Variants in BAD observed in about 807,000 individuals in gnomAD.
BAD encodes the protein bcl2-associated agonist of cell death.
In BAD, 18 loss-of-function variants were observed where a neutral mutation model predicts 17.8. The observed-to-expected ratio is 1.01, with a 90% confidence interval of 0.70 to 1.50. The LOEUF (loss-of-function observed/expected upper bound fraction) is 1.50. BAD is among the 40% of genes most tolerant of loss of function. The pLI, the probability that BAD is intolerant of heterozygous loss-of-function variation, is 0.00. For missense variants in BAD, 294 were observed against 239.3 expected (o/e 1.23, Z -1.51); for synonymous variants, 112 against 91.5 (o/e 1.22, Z -1.28).
At chr11:64,281,539 C>T (rs1411829477) in intron 2 of BAD, among the ~76,000 whole-genome samples, 1 of 152,198 alleles carries the variant, frequency 6.6e-6, no homozygotes, top group Non-Finnish European at 1.5e-5. Context: ...CCTAAACCCC[C>T]TCCCCTAGGC....
At chr11:64,281,708 CT>C (rs2033485718) in intron 2 of BAD, among the ~76,000 whole-genome samples, 1 of 152,198 alleles carries the variant, frequency 6.6e-6, no homozygotes, top group Non-Finnish European at 1.5e-5. Context: ...CCCCCCGCCC[CT>C]GTGACTCCGG....
chr11:64,270,978 A>T (rs140629234), intron 3 of BAD, among the ~76,000 whole-genome samples: 33 of 5,474 alleles, frequency 6.0e-3, no homozygotes, highest in Non-Finnish European at 0.011. Context: ...GCCCTGTGAC[A>T]CACACACACA....
chr11:64,270,162 GC>G lies in BAD; in HGVS notation c.*46del. 3 of 1,613,790 alleles carry G rather than the reference GC, an allele frequency of 1.9e-6. No individual in the cohort carries two copies. Among genetic ancestry groups the G allele is most frequent in the Non-Finnish European group, 2.5e-6 (3 of 1,179,872 alleles). Reference sequence around the variant, plus strand: ...ACTTCCGCCCATATTCAAGATGGCTGCCCAGGGCAGTGGGAACGGGTGGAGT... The same window carrying G: ...ACTTCCGCCCATATTCAAGATGGCTGCCAGGGCAGTGGGAACGGGTGGAGT... On this transcript the variant is annotated 3_prime_UTR_variant, in exon 4 of 4. Coordinates refer to ENST00000309032, the MANE Select transcript of BAD (RefSeq NM_032989.3).
intron 2 of BAD, among the ~76,000 whole-genome samples, chr11:64,278,664 T>C (rs2033227185): frequency 6.6e-6 from 1 of 152,204 alleles, no homozygotes; most frequent in Admixed American, 6.5e-5. Flanking sequence ...GCCCAGGGGC[T>C]AGCACTGGGC....
chr11:64,270,508 GCC>G, intron 3 of BAD, 171 bp from the exon 4 acceptor site: 1 of 875,940 alleles, frequency 1.1e-6, no homozygotes. Context: ...GGACGCATGG[GCC>G]CCCAGGAATG....
intron 2 of BAD, among the ~76,000 whole-genome samples, chr11:64,273,209 C>G (rs2032770844): frequency 6.6e-6 from 1 of 152,062 alleles, no homozygotes; most frequent in Non-Finnish European, 1.5e-5. Context: ...TCCGTCTCTA[C>G]TAAAAATACA....
chr11:64,275,125 G>C (rs1208138354), intron 2 of BAD, among the ~76,000 whole-genome samples: 1 of 151,794 alleles, frequency 6.6e-6, no homozygotes, highest in African/African-American at 2.4e-5. Flanking sequence ...CTGCCCCCAG[G>C]TCAGGTGGGG....
chr11:64,278,498 C>G (rs974653159), intron 2 of BAD, among the ~76,000 whole-genome samples: 3 of 151,950 alleles, frequency 2.0e-5, no homozygotes, highest in Non-Finnish European at 4.4e-5. Flanking sequence ...AGCACTTTTC[C>G]TATATTAACT....
intron 2 of BAD, chr11:64,276,826 A>G (rs1159744334): frequency 2.9e-6 from 2 of 698,096 alleles, no homozygotes; most frequent in South Asian, 3.0e-5. Context: ...CCATCCGCCT[A>G]GAGCCTGGCC....
At chr11:64,276,950 G>C in intron 2 of BAD, 2 of 756,094 alleles carry the variant, frequency 2.6e-6, no homozygotes, top group Non-Finnish European at 4.9e-6. Flanking sequence ...GTCAGCGGCT[G>C]GGGCGGACAT....
intron 2 of BAD, among the ~76,000 whole-genome samples, chr11:64,277,318 G>A (rs1418417411): frequency 6.6e-6 from 1 of 152,196 alleles, no homozygotes; most frequent in Non-Finnish European, 1.5e-5. Flanking sequence ...GCACCTGTAG[G>A]CCTCAGCCTT....
chr11:64,276,286 G>A lies in BAD; in HGVS notation c.188-4483C>T, dbSNP rs1045148405. Reference sequence around the variant, plus strand: ...AATATACATATATTTATGTGTGTGTGTGTGTATATATTTGTGTGTGTGTGT... The same window carrying A: ...AATATACATATATTTATGTGTGTGTATGTGTATATATTTGTGTGTGTGTGT... On this transcript the variant is annotated intron_variant, in intron 2 of 3. Transcript: ENST00000309032. 2.6e-5 allele frequency: 3 copies of A among 113,816 alleles called. No homozygotes were observed. In the Admixed American group the frequency reaches 3.2e-4, roughly 12 times the overall value. The allele number at this position is 113,816 out of a possible 1,614,324, so 7.1% of individuals were successfully genotyped here. A position where few individuals can be genotyped will look rare whatever the true frequency, so the allele number is the denominator to read the frequency against.
chr11:64,278,488 A>C lies in BAD; in HGVS notation c.187+5694T>G, dbSNP rs1018756215. Among the ~76,000 whole-genome samples, 15 of 152,054 alleles carry C rather than the reference A, an allele frequency of 9.9e-5. No individual in the cohort carries two copies. In the East Asian group the frequency reaches 2.9e-3, roughly 29 times the overall value. ...TCCTCTGCGCCAGGCACTGTTTCCA[A>C]GCACTTTTCCTATATTAACTCATCA... is the stretch of plus-strand genomic sequence containing the variant. On this transcript the variant is annotated intron_variant, in intron 2 of 3. Transcript: ENST00000309032.
At chr11:64,278,439 T>C (rs538678079) in intron 2 of BAD, among the ~76,000 whole-genome samples, 2 of 151,032 alleles carry the variant, frequency 1.3e-5, no homozygotes, top group Non-Finnish European at 2.9e-5. Context: ...GTTCTAATAA[T>C]AAGAGCCGCA....
rs1356252288 is a variant in BAD, at chr11:64,278,323, A to T, written c.187+5859T>A. 4.0e-5 allele frequency among the ~76,000 whole-genome samples: 6 copies of T among 151,360 alleles called. 1 individual carries two copies. Among genetic ancestry groups the T allele is most frequent in the African/African-American group, 1.5e-4 (6 of 41,348 alleles). ...GGTTGCTGCGAGGCGAGATTGCACC[A>T]CTGCACTCCAGCCTGGGCGACAGAG... On this transcript the variant is annotated intron_variant, in intron 2 of 3. Transcript: ENST00000309032.
At position 64,270,001 on chromosome 11, in the gene BAD, C is replaced by T. The variant is rs943574245; in HGVS notation, c.*208G>A. 1 of 946,370 alleles carries T rather than the reference C, an allele frequency of 1.1e-6. No homozygotes were observed. Among genetic ancestry groups the T allele is most frequent in the Non-Finnish European group, 1.6e-6 (1 of 621,304 alleles). The allele number at this position is 946,370 out of a possible 1,614,324, so 58.6% of individuals were successfully genotyped here. A position where few individuals can be genotyped will look rare whatever the true frequency, so the allele number is the denominator to read the frequency against. On this transcript the variant is annotated 3_prime_UTR_variant, in exon 4 of 4. Transcript: ENST00000309032. The stretch of plus-strand genomic sequence containing the variant: ...GGGGCCACGGAGCCACTTCCGGCGG[C>T]TGTGGGCGGAAAACCCAAAACTTCC...
chr11:64,280,489 C>CTA (rs1477245928), intron 2 of BAD, among the ~76,000 whole-genome samples: 4 of 139,990 alleles, frequency 2.9e-5, no homozygotes, highest in African/African-American at 1.1e-4. Context: ...GTAGCTGGGA[C>CTA]TATAGGCACC....
chr11:64,270,112 C>CT lies in BAD; in HGVS notation c.*96dup, dbSNP rs950759190. The CT allele has an allele frequency of 1.3e-5, 21 of 1,580,080 alleles. No homozygotes were observed. The highest frequency in any genetic ancestry group is 1.6e-5 in the Non-Finnish European group (19 of 1,157,618). ...CTCCAAAGGAGACAGCACGGATCCT[C>CT]TTTTTGCATAGGCCTGAGGGAAGTA... is the stretch of plus-strand genomic sequence containing the variant. On this transcript the variant is annotated 3_prime_UTR_variant, in exon 4 of 4. Coordinates refer to ENST00000309032, the MANE Select transcript of BAD (RefSeq NM_032989.3).
intron 2 of BAD, among the ~76,000 whole-genome samples, chr11:64,279,800 C>T (rs949333942): frequency 6.6e-6 from 1 of 151,494 alleles, no homozygotes; most frequent in Non-Finnish European, 1.5e-5. Flanking sequence ...CTCTATCCCA[C>T]CCTCTAGGGT....
Sources: gnomAD v4.1 joint callset for allele counts (sites outside exome capture counted in the v4.1 genomes callset) on GRCh38, gnomAD v4.1.1 for gene constraint, MANE v1.5 for transcripts, NCBI Gene and HGNC (gene_info 2026-07-23, HGNC 2026-07-21) for gene names.